UBA3: variants seen among roughly 807,000 people sequenced by gnomAD.
The protein encoded by UBA3 is NEDD8-activating enzyme E1 catalytic subunit.
Under a neutral mutation model 73.5 loss-of-function variants are expected in UBA3, and 26 were observed. That is an observed-to-expected ratio of 0.35 (90% CI 0.26 to 0.49). The LOEUF is 0.49. Among genes scored for constraint, UBA3 ranks in the 20% least tolerant of loss-of-function variants. UBA3 has a pLI of 0.98. For synonymous variants in UBA3, 217 were observed against 191.2 expected (o/e 1.13, Z -1.11); for missense variants, 495 against 555.6 (o/e 0.89, Z 1.10).
chr3:69,065,810 C>T (rs962450323), intron 6 of UBA3, among the ~76,000 whole-genome samples: 1 of 151,862 alleles, frequency 6.6e-6, no homozygotes, highest in Non-Finnish European at 1.5e-5. Context: ...CCTTTTGAGA[C>T]TGGCTTTTTT....
intron 12 of UBA3, among the ~76,000 whole-genome samples, chr3:69,057,034 T>A (rs2091979742): frequency 6.6e-6 from 1 of 152,200 alleles, no homozygotes; most frequent in Non-Finnish European, 1.5e-5. Context: ...GATTAATAAA[T>A]GGCCTGCTTC....
chr3:69,079,728 G>C (rs1466416111), intron 2 of UBA3: 1 of 240,586 alleles, frequency 4.2e-6, no homozygotes, highest in Non-Finnish European at 7.9e-6. Flanking sequence ...GTTTGCAAAA[G>C]GCCACAAAAC....
In UBA3 at chr3:69,056,712, C is replaced by A; in HGVS notation, c.1002-19G>T. On this transcript the variant is annotated intron_variant, in intron 13 of 17. Transcript: ENST00000361055. Reference sequence around the variant, plus strand: ...GTATGCACTGTAATGAAAAAATGTTCATCTTTATATAATTAAACCAAGTCA... The same window carrying A: ...GTATGCACTGTAATGAAAAAATGTTAATCTTTATATAATTAAACCAAGTCA... 1.2e-6 allele frequency: 2 copies of A among 1,611,332 alleles called. No individual in the cohort carries two copies. Among genetic ancestry groups the A allele is most frequent in the South Asian group, 2.2e-5 (2 of 90,670 alleles).
At position 69,061,872 on chromosome 3, in the gene UBA3, T is replaced by C; in HGVS notation, c.852A>G (p.Lys284=). 2 of 1,611,776 alleles carry C rather than the reference T, an allele frequency of 1.2e-6. No homozygotes were observed. Among genetic ancestry groups the C allele is most frequent in the Admixed American group, 1.7e-5 (1 of 59,738 alleles). ...DPEHIQWIFQ[K]SLERASQYNI... Reference sequence around the variant, plus strand: ...TATATTGTGATGCTCTCTCTAGGGATTTTTGGAAAATCCATTGTATATGTT... The same window carrying C: ...TATATTGTGATGCTCTCTCTAGGGACTTTTGGAAAATCCATTGTATATGTT... Residue 284 remains lysine (K), a synonymous_variant, in exon 11 of 18, where the codon AAA becomes AAG. Transcript: ENST00000361055.
intron 6 of UBA3, among the ~76,000 whole-genome samples, chr3:69,067,391 T>C (rs2107492149): frequency 6.6e-6 from 1 of 152,348 alleles, no homozygotes; most frequent in South Asian, 2.1e-4. Context: ...GATTTTGTAT[T>C]CTGTGGGACT....
At chr3:69,066,134 T>C (rs1262031926) in intron 6 of UBA3, among the ~76,000 whole-genome samples, 1 of 152,190 alleles carries the variant, frequency 6.6e-6, no homozygotes, top group East Asian at 1.9e-4. Flanking sequence ...TTTTTTCCTT[T>C]TATGGCTCAT....
chr3:69,056,809 C>G lies in UBA3; in HGVS notation c.971G>C (p.Cys324Ser). 1 of 1,612,678 alleles carries G rather than the reference C, an allele frequency of 6.2e-7. No individual in the cohort carries two copies. Residue 324 changes from cysteine to serine, a missense_variant, in exon 13 of 18, where the codon TGT (cysteine) becomes TCT (serine). Coordinates refer to ENST00000361055, the MANE Select transcript of UBA3 (RefSeq NM_003968.4). ...ASTNAVIAAV[C>S]ATEVFKIATS... Reference sequence around the variant, plus strand: ...GGCTATTTTAAAAACCTCAGTGGCACACACAGCTGAAGGGAGGAGAAAATA... The same window carrying G: ...GGCTATTTTAAAAACCTCAGTGGCAGACACAGCTGAAGGGAGGAGAAAATA...
chr3:69,076,972 C>T (rs1273750809), intron 3 of UBA3, among the ~76,000 whole-genome samples: 1 of 151,740 alleles, frequency 6.6e-6, no homozygotes, highest in African/African-American at 2.4e-5. Flanking sequence ...TTAGAAAATT[C>T]CTTATCAGCA....
At chr3:69,056,844 T>C in intron 12 of UBA3, 29 bp from the exon 13 acceptor site, 1 of 1,600,126 alleles carries the variant, frequency 6.2e-7, no homozygotes, top group South Asian at 1.1e-5. Context: ...ACAGGTGCTT[T>C]AACTCAATGG....
chr3:69,061,742 G>T, intron 11 of UBA3, 72 bp downstream of exon 11: 2 of 950,410 alleles, frequency 2.1e-6, no homozygotes, highest in South Asian at 1.7e-5. Flanking sequence ...CTCACTTATC[G>T]ATTATTCTCC....
In UBA3 at chr3:69,061,946, GGAGA is replaced by G. The variant is rs749819588; in HGVS notation, c.797-23_797-20del. The stretch of plus-strand genomic sequence containing the variant: ...ACCCCTTCTGTTTAAAAAAAAAAAG[GGAGA>G]GAGAGAGAGAGAGAAGACAGGAATA... On this transcript the variant is annotated intron_variant, in intron 10 of 17. Transcript: ENST00000361055. 3.1e-4 allele frequency: 425 copies of G among 1,374,614 alleles called. No individual in the cohort carries two copies. Among genetic ancestry groups the G allele is most frequent in the African/African-American group, 5.1e-4 (34 of 67,310 alleles). 85.2% of individuals were successfully genotyped at this position (1,374,614 alleles called of 1,614,324 possible).
At chr3:69,063,916 T>C in intron 7 of UBA3, 152 bp downstream of exon 7, 1 of 669,482 alleles carries the variant, frequency 1.5e-6, no homozygotes, top group Non-Finnish European at 2.5e-6. Flanking sequence ...AGCATTCTCT[T>C]TTCAGTCTAT....
In UBA3 at chr3:69,062,106, A is replaced by G. The variant is rs2092026987; in HGVS notation, c.767T>C (p.Leu256Ser). The change falls in exon 10 of 18, where the codon TTG (leucine) becomes TCG (serine). Residue 256 changes from leucine (L) to serine (S), a missense_variant. Coordinates refer to ENST00000361055, the MANE Select transcript of UBA3 (RefSeq NM_003968.4). ...PEHCIEYVRM[L>S]QWPKEQPFGE... The stretch of plus-strand genomic sequence containing the variant: ...AAAAGGCTGCTCCTTAGGCCACTGC[A>G]ACATCCTTACATACTCAATACAGTG... The G allele has an allele frequency of 6.2e-7, 1 of 1,613,060 alleles. No homozygotes were observed. The highest frequency in any genetic ancestry group is 8.5e-7 in the Non-Finnish European group (1 of 1,179,398).
intron 11 of UBA3, among the ~76,000 whole-genome samples, chr3:69,060,038 T>C (rs1575831361): frequency 6.6e-6 from 1 of 152,200 alleles, no homozygotes; most frequent in East Asian, 1.9e-4. Context: ...CAAGAAGGTC[T>C]GATGAACAGA....
At chr3:69,080,060 G>T (rs955954768) in intron 2 of UBA3, 52 bp downstream of exon 2, 33 of 1,555,880 alleles carry the variant, frequency 2.1e-5, no homozygotes, top group African/African-American at 1.1e-4. Context: ...GGCCTGGGGT[G>T]GGGGGAGGCG....
At chr3:69,076,350 C>A (rs2092166415) in intron 3 of UBA3, 1 of 152,080 alleles carries the variant, frequency 6.6e-6, no homozygotes, top group Non-Finnish European at 1.5e-5. Context: ...GCCTGACCAA[C>A]ATGGTGAAAC....
At chr3:69,071,072 T>C (rs918351411) in intron 5 of UBA3, 1 of 159,420 alleles carries the variant, frequency 6.3e-6, no homozygotes, top group Non-Finnish European at 1.4e-5. Flanking sequence ...TCCTCGACTT[T>C]CCATTTTCTT....
chr3:69,057,965 G>A (rs866755448), intron 11 of UBA3, among the ~76,000 whole-genome samples: 76 of 121,304 alleles, frequency 6.3e-4, no homozygotes, highest in South Asian at 3.0e-3. Context: ...TCGCTCTGTC[G>A]CCCAGGCTGG....
intron 9 of UBA3, 69 bp downstream of exon 9, chr3:69,062,913 G>C (rs1461123583): frequency 1.3e-6 from 2 of 1,543,416 alleles, no homozygotes; most frequent in South Asian, 1.2e-5. Flanking sequence ...ATATTAACTA[G>C]ACTTAATAAT....
Sources: gnomAD v4.1 joint callset for allele counts (sites outside exome capture counted in the v4.1 genomes callset) on GRCh38, gnomAD v4.1.1 for gene constraint, MANE v1.5 for transcripts, NCBI Gene and HGNC (gene_info 2026-07-23, HGNC 2026-07-21) for gene names.